The following ACTN1 variants were observed in gnomAD, a reference collection of about 807,000 sequenced individuals.
ACTN1 encodes the protein alpha-actinin-1.
Under a neutral mutation model 119.6 loss-of-function variants are expected in ACTN1, and 30 were observed. The ratio of observed to expected loss-of-function variants is 0.25; its 90% CI spans 0.19 to 0.34. The LOEUF is 0.34. ACTN1 is among the 10% of genes least tolerant of loss of function. ACTN1 has a pLI of 1.00. For synonymous variants in ACTN1, 429 were observed against 472.6 expected, an observed-to-expected ratio of 0.91 and a Z score of 1.20; for missense variants, 764 against 1,223.4, an observed-to-expected ratio of 0.62 and a Z score of 5.60.
At chr14:68,967,710 AGAG>A (rs1408111738) in intron 1 of ACTN1, among the ~76,000 whole-genome samples, 1 of 152,250 alleles carries the variant, frequency 6.6e-6, no homozygotes, top group African/African-American at 2.4e-5. Context: ...TAAGAAGGCA[AGAG>A]GAGGGAAATC....
chr14:68,977,909 G>A (rs1281794174), intron 1 of ACTN1: 1 of 454,916 alleles, frequency 2.2e-6, no homozygotes, highest in East Asian at 7.1e-5. Flanking sequence ...GGAGGGAAAG[G>A]GGTATTCAGG....
At chr14:68,948,440 T>C (rs2036013886) in intron 1 of ACTN1, among the ~76,000 whole-genome samples, 1 of 152,010 alleles carries the variant, frequency 6.6e-6, no homozygotes, top group Non-Finnish European at 1.5e-5. Flanking sequence ...TAGCCGGGCA[T>C]GGTGGCGAGC....
rs2030591527 is a variant in ACTN1 at position 68,874,368 on chromosome 14, A to G, written c.*491T>C. The G allele has an allele frequency of 6.5e-6, 1 of 152,834 alleles. No homozygotes were observed. The highest frequency in any genetic ancestry group is 1.5e-5 in the Non-Finnish European group (1 of 68,274). The allele number at this position is 152,834 out of a possible 1,614,324, so 9.5% of individuals were successfully genotyped here. A position where few individuals can be genotyped will look rare whatever the true frequency, so the allele number is the denominator to read the frequency against. ...CATAAAATATTTTCATGGACAAGTG[A>G]GCTAGCAAACACACATGCACCAATG... On this transcript the variant is annotated 3_prime_UTR_variant, in exon 22 of 22. Transcript: ENST00000394419.
rs183083170 is a variant in ACTN1 at position 68,948,447 on chromosome 14, G to A, written c.106-22775C>T. On this transcript the variant is annotated intron_variant, in intron 1 of 21. Transcript: ENST00000394419. The stretch of plus-strand genomic sequence containing the variant: ...ACAAAAATTAGCCGGGCATGGTGGC[G>A]AGCGCCTGTAATCCCAGCTACTTGG... Among the ~76,000 whole-genome samples, 583 of 152,206 alleles carry A rather than the reference G, an allele frequency of 3.8e-3. 5 individuals are homozygous for A. Among genetic ancestry groups the A allele is most frequent in the African/African-American group, 0.013 (544 of 41,526 alleles).
chr14:68,944,315 G>C (rs1344171913), intron 1 of ACTN1, among the ~76,000 whole-genome samples: 3 of 152,262 alleles, frequency 2.0e-5, no homozygotes, highest in African/African-American at 7.2e-5. Flanking sequence ...TGGCTTGCTA[G>C]GGCTTGGACT....
chr14:68,890,048 A>G, intron 11 of ACTN1, 91 bp downstream of exon 11: 2 of 1,510,868 alleles, frequency 1.3e-6, no homozygotes, highest in Non-Finnish European at 8.9e-7. Flanking sequence ...GAAACAAATG[A>G]AAAGCAAAGA....
intron 4 of ACTN1, 79 bp downstream of exon 4, chr14:68,912,077 G>T: frequency 1.5e-6 from 2 of 1,365,046 alleles, no homozygotes; most frequent in Non-Finnish European, 1.0e-6. Context: ...CCGTTGCCCT[G>T]GGTATGGGAG....
chr14:68,903,595 G>A (rs2033480911), intron 7 of ACTN1, among the ~76,000 whole-genome samples: 1 of 151,580 alleles, frequency 6.6e-6, no homozygotes, highest in Admixed American at 6.6e-5. Context: ...GGACCCCACC[G>A]TGGTCTTTTC....
intron 14 of ACTN1, 93 bp from the exon 15 acceptor site, chr14:68,883,148 G>A: frequency 7.8e-7 from 1 of 1,284,704 alleles, no homozygotes; most frequent in Non-Finnish European, 1.1e-6. Flanking sequence ...ACACCAGCTG[G>A]GAGACCAGGA....
intron 1 of ACTN1, among the ~76,000 whole-genome samples, chr14:68,961,126 A>G (rs772660160): frequency 1.3e-5 from 2 of 152,238 alleles, no homozygotes; most frequent in Non-Finnish European, 2.9e-5. Context: ...TATCCACCTC[A>G]AATGCTTTTT....
intron 8 of ACTN1, among the ~76,000 whole-genome samples, chr14:68,899,825 T>C (rs2033191915): frequency 6.6e-6 from 1 of 152,052 alleles, no homozygotes; most frequent in Non-Finnish European, 1.5e-5. Context: ...GAAAAGACCA[T>C]AGCAGAGAGC....
At chr14:68,938,531 CT>C (rs1437688504) in intron 1 of ACTN1, among the ~76,000 whole-genome samples, 1 of 152,144 alleles carries the variant, frequency 6.6e-6, no homozygotes, top group Admixed American at 6.5e-5. Context: ...AAATTAGACC[CT>C]ATGTCCTGAA....
chr14:68,888,215 T>C, intron 11 of ACTN1: 1 of 415,800 alleles, frequency 2.4e-6, no homozygotes, highest in Non-Finnish European at 4.5e-6. Context: ...TCTCAAGAAA[T>C]GGAATTCCCA....
At chr14:68,908,084 G>A (rs1184150457) in intron 6 of ACTN1, among the ~76,000 whole-genome samples, 2 of 150,386 alleles carry the variant, frequency 1.3e-5, no homozygotes, top group South Asian at 2.1e-4. Context: ...GTTAGCTGGC[G>A]AAGGGCTGGC....
chr14:68,975,442 A>G (rs1308971230), intron 1 of ACTN1, among the ~76,000 whole-genome samples: 1 of 152,174 alleles, frequency 6.6e-6, no homozygotes, highest in Non-Finnish European at 1.5e-5. Context: ...GCTCTTTTTT[A>G]TAAGTAGGGA....
rs2034862938 is a variant in ACTN1 at position 68,925,312 on chromosome 14, C to T, written c.220+246G>A. 7.3e-6 allele frequency among the ~76,000 whole-genome samples: 1 copy of T among 136,306 alleles called. No individual in the cohort carries two copies. Among genetic ancestry groups the T allele is most frequent in the South Asian group, 2.6e-4 (1 of 3,918 alleles). The allele number at this position is 136,306 out of a possible 152,430, so 89.4% of individuals were successfully genotyped here. On this transcript the variant is annotated intron_variant, in intron 2 of 21. Coordinates refer to ENST00000394419, the MANE Select transcript of ACTN1 (RefSeq NM_001130004.2). This position sits in a 1 kb window ranked among gnomAD's most constrained non-coding sequence, Gnocchi z 4.3. ...GGAGGAGAAGGAACCTCAGTTCCTTCAAACCCTTTTTTTTTTTTTTTTTTT... is the reference window on the plus strand; with the variant it reads ...GGAGGAGAAGGAACCTCAGTTCCTTTAAACCCTTTTTTTTTTTTTTTTTTT...
At chr14:68,881,889 C>A (rs898945174) in intron 16 of ACTN1, among the ~76,000 whole-genome samples, 5 of 149,192 alleles carry the variant, frequency 3.4e-5, no homozygotes, top group African/African-American at 1.2e-4. Flanking sequence ...TAAGCTGGAT[C>A]GGGCGCTCAG....
At chr14:68,950,984 AC>A (rs2036142871) in intron 1 of ACTN1, among the ~76,000 whole-genome samples, 1 of 152,198 alleles carries the variant, frequency 6.6e-6, no homozygotes, top group African/African-American at 2.4e-5. Context: ...CAATGTTATC[AC>A]CTGCCTGCCC....
rs1478452547 is a variant in ACTN1, at chr14:68,893,644, G to A, written c.855+11C>T. On this transcript the variant is annotated intron_variant, in intron 9 of 21. Transcript: ENST00000394419. ...GCTAGAGTCAGGCCAGGTGAACCCG[G>A]GGGTACCCACATCACTGGCCAGCTT... 7 of 1,613,514 alleles carry A rather than the reference G, an allele frequency of 4.3e-6. No individual in the cohort carries two copies. Among genetic ancestry groups the A allele is most frequent in the Non-Finnish European group, 5.9e-6 (7 of 1,179,744 alleles).
Sources: gnomAD v4.1 joint callset for allele counts (sites outside exome capture counted in the v4.1 genomes callset) on GRCh38, gnomAD v4.1.1 for gene constraint, Gnocchi (gnomAD v3.1) non-coding constraint, MANE v1.5 for transcripts, NCBI Gene and HGNC (gene_info 2026-07-23, HGNC 2026-07-21) for gene names.